Variants in THOC1 observed in about 807,000 individuals in gnomAD.
THOC1 encodes the protein THO complex subunit 1.
A neutral mutation model predicts 97.3 loss-of-function variants in THOC1; 29 were observed. That is an observed-to-expected ratio of 0.30 (90% CI 0.22 to 0.41). THOC1 has a LOEUF of 0.41. Ranked by LOEUF, THOC1 falls within the 10% of genes least tolerant of loss-of-function variation. The pLI, the probability that THOC1 is intolerant of heterozygous loss-of-function variation, is 1.00. For missense variants in THOC1, 529 were observed against 761.9 expected, an observed-to-expected ratio of 0.69 and a Z score of 3.60; for synonymous variants, 255 against 257.0, an observed-to-expected ratio of 0.99 and a Z score of 0.07.
chr18:262,918 C>A (rs1489087933), intron 4 of THOC1, among the ~76,000 whole-genome samples: 1 of 152,092 alleles, frequency 6.6e-6, no homozygotes, highest in Non-Finnish European at 1.5e-5. Flanking sequence ...TTTTTTATTT[C>A]TTCTTTCTGC....
In THOC1 at chr18:242,922, T is replaced by C. The variant is rs1308034306; in HGVS notation, c.918+3402A>G. ...GTGCAGCAGTAAAGCTTATAAAATG[T>C]TGCATATTTTCCATGATACACGTAA... On this transcript the variant is annotated intron_variant, in intron 11 of 20. Transcript: ENST00000261600. The surrounding 1 kb of genome is among the most constrained non-coding windows in gnomAD (Gnocchi z 4.5). Among the ~76,000 whole-genome samples the C allele has an allele frequency of 6.6e-6, 1 of 152,200 alleles. No individual in the cohort carries two copies. The highest frequency in any genetic ancestry group is 2.4e-5 in the African/African-American group (1 of 41,444).
intron 11 of THOC1, among the ~76,000 whole-genome samples, chr18:243,660 T>G (rs1215521241): frequency 6.6e-6 from 1 of 152,200 alleles, no homozygotes. Context: ...TGTTTTATTT[T>G]GTAACTTTTT....
chr18:255,104 ACTCT>A (rs753217607), intron 7 of THOC1, among the ~76,000 whole-genome samples: 1 of 151,644 alleles, frequency 6.6e-6, no homozygotes, highest in East Asian at 1.9e-4. Context: ...CGTTCCCATG[ACTCT>A]CTCTCTCTCC....
chr18:237,739 T>C (rs543707024), intron 11 of THOC1, among the ~76,000 whole-genome samples: 14 of 152,338 alleles, frequency 9.2e-5, no homozygotes, highest in African/African-American at 3.1e-4. Context: ...AACTGTACAA[T>C]AGTTTTCTAC....
At chr18:255,892 T>A (rs897580662) in intron 7 of THOC1, among the ~76,000 whole-genome samples, 3 of 152,216 alleles carry the variant, frequency 2.0e-5, no homozygotes, top group Non-Finnish European at 1.5e-5. Context: ...CTAAATCTAC[T>A]CTGCCTTGGC....
Position 249,228 on chromosome 18 carries a change from G to A in THOC1, c.678-1271C>T, listed in dbSNP as rs150397785. On this transcript the variant is annotated intron_variant, in intron 9 of 20. Transcript: ENST00000261600. The stretch of plus-strand genomic sequence containing the variant: ...GACTCTAATGGGCATGTTTACTTTC[G>A]CTCTTCCTAAACTTTTCCCTAGTAA... Among the ~76,000 whole-genome samples, 70 of 152,178 alleles carry A rather than the reference G, an allele frequency of 4.6e-4. 1 individual carries two copies. The East Asian group carries it at 0.011, about 24-fold the overall frequency.
At chr18:223,634 T>G (rs1292357712) in intron 16 of THOC1, 129 bp from the exon 17 acceptor site, 1 of 688,460 alleles carries the variant, frequency 1.5e-6, no homozygotes, top group African/African-American at 1.8e-5. Context: ...GTTTTACTTT[T>G]CTCAATAATT....
chr18:223,323 A>G (rs1911157215), intron 17 of THOC1, 117 bp downstream of exon 17: 1 of 758,146 alleles, frequency 1.3e-6, no homozygotes, highest in Admixed American at 3.3e-5. Flanking sequence ...CTGTGCCAAA[A>G]GTCAACCACA....
intron 4 of THOC1, among the ~76,000 whole-genome samples, chr18:261,946 T>G (rs1912618796): frequency 6.6e-6 from 1 of 152,170 alleles, no homozygotes; most frequent in South Asian, 2.1e-4. Flanking sequence ...ACAACCTGTG[T>G]CCCAGCTTCC....
At chr18:217,934 C>T (rs1392459417) in intron 18 of THOC1, among the ~76,000 whole-genome samples, 2 of 152,206 alleles carry the variant, frequency 1.3e-5, no homozygotes, top group Non-Finnish European at 2.9e-5. Context: ...CCAAGGAGGT[C>T]TTTTAGGCCC....
intron 18 of THOC1, 133 bp downstream of exon 18, chr18:218,753 C>T (rs8093598): frequency 4.4e-6 from 3 of 680,774 alleles, no homozygotes; most frequent in Non-Finnish European, 7.4e-6. Flanking sequence ...GAACTTGGAA[C>T]ATAAACTCAC....
rs16977200 is a variant in THOC1, at chr18:252,795, G to C, written c.604-183C>G. Among the ~76,000 whole-genome samples, 4,206 of 152,208 alleles carry C rather than the reference G, an allele frequency of 0.028. 374 individuals carry two copies. In the East Asian group the frequency reaches 0.32, roughly 12 times the overall value. On this transcript the variant is annotated intron_variant, in intron 8 of 20. Transcript: ENST00000261600. ...TCAGAATTTTACCTGATGGACAGAA[G>C]AACTCAAGAGCAGTATGACAATGAT...
chr18:246,444 T>G lies in THOC1; in HGVS notation c.798A>C (p.Glu266Asp). ...SWKTFLKYSE[E>D]VLAVFKSYKL... is the part of the protein sequence containing the mutation. ...TATAACTCTTAAAAACAGCTAAAAC[T>G]TCTTCAGAATACTGCAAAATAAAAA... Residue 266 changes from glutamate (E) to aspartate (D), a missense_variant, in exon 11 of 21, where the codon GAA (glutamate) becomes GAC (aspartate). Physicochemically the swap from Glu to Asp is conservative, Grantham distance 45. This residue lies in a region of THOC1 where 92 missense variants were observed against 127.0 expected (regional missense o/e 0.72). Coordinates refer to ENST00000261600, the MANE Select transcript of THOC1 (RefSeq NM_005131.3). 6.4e-7 allele frequency: 1 copy of G among 1,570,710 alleles called. No individual in the cohort carries two copies. Among genetic ancestry groups the G allele is most frequent in the Non-Finnish European group, 8.7e-7 (1 of 1,155,426 alleles).
intron 17 of THOC1, among the ~76,000 whole-genome samples, chr18:222,780 T>C (rs185162128): frequency 2.8e-4 from 43 of 152,338 alleles, no homozygotes. Flanking sequence ...TTGTAGGTTG[T>C]CTGTTTTTTC....
At chr18:263,774 C>T in intron 4 of THOC1, 1 of 389,478 alleles carries the variant, frequency 2.6e-6, no homozygotes, top group Non-Finnish European at 4.7e-6. Context: ...ATAGTAGATG[C>T]TCAATGAAAA....
chr18:249,496 T>C (rs1396904096), intron 9 of THOC1, among the ~76,000 whole-genome samples: 1 of 152,046 alleles, frequency 6.6e-6, no homozygotes, highest in Non-Finnish European at 1.5e-5. Context: ...ACCCCATCTC[T>C]ACTAAAAGTA....
Position 214,937 on chromosome 18 carries a change from A to C in THOC1, c.1679-16T>G. ...ACATCAGGACCTAGAAAATGAAGAG[A>C]ATATAAATTATGCGCAATTCTAAGT... On this transcript the variant is annotated splice_polypyrimidine_tract_variant and intron_variant, in intron 20 of 20. Coordinates refer to ENST00000261600, the MANE Select transcript of THOC1 (RefSeq NM_005131.3). The C allele has an allele frequency of 6.2e-7, 1 of 1,611,140 alleles. No individual in the cohort carries two copies. The highest frequency in any genetic ancestry group is 8.5e-7 in the Non-Finnish European group (1 of 1,178,398).
chr18:215,884 T>C (rs1910865151), intron 19 of THOC1: 2 of 205,414 alleles, frequency 9.7e-6, no homozygotes, highest in South Asian at 2.0e-4. Context: ...TAAAAGACAA[T>C]ATAATGCATT....
chr18:220,725 GGGTTGATT>G (rs1211005284), intron 17 of THOC1, among the ~76,000 whole-genome samples: 1 of 151,958 alleles, frequency 6.6e-6, no homozygotes, highest in East Asian at 1.9e-4. Flanking sequence ...TTTTTCTACT[GGGTTGATT>G]CACTCTCACA....
Sources: gnomAD v4.1 joint callset for allele counts (sites outside exome capture counted in the v4.1 genomes callset) on GRCh38, gnomAD v4.1.1 for gene constraint, gnomAD v4.1.1 regional missense constraint, Gnocchi (gnomAD v3.1) non-coding constraint, MANE v1.5 for transcripts, NCBI Gene and HGNC (gene_info 2026-07-23, HGNC 2026-07-21) for gene names.